Variants in CNTNAP2 observed in about 807,000 individuals in gnomAD.
CNTNAP2 encodes the protein contactin associated protein 2.
Under a neutral mutation model 155.2 loss-of-function variants are expected in CNTNAP2, and 98 were observed. The ratio of observed to expected loss-of-function variants is 0.63; its 90% CI spans 0.54 to 0.75. The LOEUF is 0.75. Ranked by LOEUF, CNTNAP2 falls within the 30% of genes least tolerant of loss-of-function variation. The pLI is 0.00. For synonymous variants in CNTNAP2, 651 were observed against 631.2 expected (o/e 1.03, Z -0.47); for missense variants, 1,727 against 1,688.1 (o/e 1.02, Z -0.40).
At chr7:146,620,164 C>T (rs951344816) in intron 1 of CNTNAP2, among the ~76,000 whole-genome samples, 13 of 152,024 alleles carry the variant, frequency 8.6e-5, no homozygotes, top group African/African-American at 1.9e-4. Flanking sequence ...AATCATTTAG[C>T]GAAGACTTTG....
At chr7:147,623,391 A>G (rs1461018413) in intron 12 of CNTNAP2, among the ~76,000 whole-genome samples, 1 of 152,152 alleles carries the variant, frequency 6.6e-6, no homozygotes, top group Non-Finnish European at 1.5e-5. Flanking sequence ...TAGAACTGAT[A>G]AACAAATTCT....
chr7:146,321,653 C>T (rs982563145), intron 1 of CNTNAP2, among the ~76,000 whole-genome samples: 3 of 152,086 alleles, frequency 2.0e-5, no homozygotes, highest in Non-Finnish European at 4.4e-5. Flanking sequence ...GATTTTGCTC[C>T]AGAATAAAGC....
chr7:147,124,410 A>G (rs1563084956), intron 6 of CNTNAP2, among the ~76,000 whole-genome samples: 1 of 152,182 alleles, frequency 6.6e-6, no homozygotes, highest in Admixed American at 6.5e-5. Context: ...AGCTCTCTCC[A>G]GGGAGGAATG....
At chr7:147,280,931 G>A (rs1464390123) in intron 8 of CNTNAP2, among the ~76,000 whole-genome samples, 3 of 151,774 alleles carry the variant, frequency 2.0e-5, no homozygotes, top group African/African-American at 7.3e-5. Context: ...ATGATAAGTG[G>A]CAGCTCTGAA....
chr7:147,124,852 CTA>C (rs1342377073), intron 6 of CNTNAP2, among the ~76,000 whole-genome samples: 1 of 144,272 alleles, frequency 6.9e-6, no homozygotes, highest in African/African-American at 2.6e-5. Context: ...TGATGTAACT[CTA>C]TGTGGACATT....
intron 1 of CNTNAP2, among the ~76,000 whole-genome samples, chr7:146,209,222 G>A (rs570577235): frequency 6.6e-6 from 1 of 152,234 alleles, no homozygotes; most frequent in East Asian, 1.9e-4. Context: ...AGAAGTCACA[G>A]TCAGAACCGG....
In CNTNAP2 at chr7:147,381,284, C is replaced by T. The variant is rs187385570; in HGVS notation, c.1499-14325C>T. ...GTTAGTCAGGGTCACACAAATACAT[C>T]TTAAACCAGTTCTGGCTATTCTGCA... On this transcript the variant is annotated intron_variant, in intron 9 of 23. Coordinates refer to ENST00000361727, the MANE Select transcript of CNTNAP2 (RefSeq NM_014141.6). Among the ~76,000 whole-genome samples the T allele has an allele frequency of 3.8e-3, 578 of 152,278 alleles. 3 individuals carry two copies. Among genetic ancestry groups the T allele is most frequent in the Non-Finnish European group, 4.9e-3 (332 of 68,022 alleles).
intron 2 of CNTNAP2, among the ~76,000 whole-genome samples, chr7:146,821,915 G>A (rs540286159): frequency 7.1e-4 from 107 of 151,384 alleles, no homozygotes; most frequent in African/African-American, 1.9e-3. Context: ...TCAGTGTGGC[G>A]ATTCCTCAGG....
chr7:147,105,226 C>T (rs1800740965), intron 4 of CNTNAP2, among the ~76,000 whole-genome samples: 1 of 151,670 alleles, frequency 6.6e-6, no homozygotes, highest in African/African-American at 2.4e-5. Flanking sequence ...GACTAAGGAA[C>T]AATAAAATGT....
intron 13 of CNTNAP2, among the ~76,000 whole-genome samples, chr7:147,860,249 A>T (rs1799111928): frequency 1.3e-5 from 2 of 151,798 alleles, no homozygotes; most frequent in African/African-American, 4.8e-5. Flanking sequence ...ACATGCTGAA[A>T]CCCCATCTCT....
chr7:146,228,865 C>A (rs1487844229), intron 1 of CNTNAP2, among the ~76,000 whole-genome samples: 1 of 152,084 alleles, frequency 6.6e-6, no homozygotes, highest in Non-Finnish European at 1.5e-5. Context: ...ATTAATAGCA[C>A]AATTTCTCAT....
intron 13 of CNTNAP2, among the ~76,000 whole-genome samples, chr7:147,716,842 G>A (rs1256564634): frequency 6.6e-6 from 1 of 152,140 alleles, no homozygotes; most frequent in Non-Finnish European, 1.5e-5. Flanking sequence ...CTAGGATCAT[G>A]AGTTGGACAG....
At chr7:147,274,245 A>T (rs1290768657) in intron 8 of CNTNAP2, among the ~76,000 whole-genome samples, 1 of 152,162 alleles carries the variant, frequency 6.6e-6, no homozygotes, top group East Asian at 1.9e-4. Context: ...TTTCCATAGA[A>T]GTTGTACTAA....
chr7:146,181,159 A>C (rs1369385108), intron 1 of CNTNAP2, among the ~76,000 whole-genome samples: 1 of 152,112 alleles, frequency 6.6e-6, no homozygotes, highest in South Asian at 2.1e-4. Flanking sequence ...ACTTTGGGGG[A>C]ACAACATGAT....
intron 9 of CNTNAP2, among the ~76,000 whole-genome samples, chr7:147,326,114 T>G (rs13245948): frequency 2.0e-5 from 3 of 152,100 alleles, no homozygotes; most frequent in Non-Finnish European, 4.4e-5. Context: ...TTAGTAGAGA[T>G]GGGGTTTCAC....
Position 146,134,393 on chromosome 7 carries a change from A to G in CNTNAP2, c.97+17420A>G, listed in dbSNP as rs1396308519. 2.8e-3 allele frequency among the ~76,000 whole-genome samples: 409 copies of G among 146,244 alleles called. 1 individual carries two copies. Among genetic ancestry groups the G allele is most frequent in the African/African-American group, 9.2e-3 (370 of 40,324 alleles). On this transcript the variant is annotated intron_variant, in intron 1 of 23. Transcript: ENST00000361727. ...TGACTTCCTCTTTTCCTAATTGAAT[A>G]CCCTTTATTTCCTTCTCCTGCCTAA...
chr7:147,769,678 A>G (rs1422148785), intron 13 of CNTNAP2, among the ~76,000 whole-genome samples: 1 of 152,162 alleles, frequency 6.6e-6, no homozygotes, highest in African/African-American at 2.4e-5. Flanking sequence ...ATTTTTCTCC[A>G]CAAGATATCT....
chr7:146,688,482 G>A (rs1196989183), intron 1 of CNTNAP2, among the ~76,000 whole-genome samples: 2 of 152,018 alleles, frequency 1.3e-5, no homozygotes, highest in African/African-American at 4.8e-5. Context: ...ATTTGGGTAG[G>A]TAGTAGAAAA....
chr7:147,859,549 A>G (rs1437875932), intron 13 of CNTNAP2, among the ~76,000 whole-genome samples: 1 of 151,966 alleles, frequency 6.6e-6, no homozygotes, highest in Non-Finnish European at 1.5e-5. Context: ...GAGAGTTAAC[A>G]TATTTTAAGA....
Sources: allele counts gnomAD v4.1 joint callset (sites outside exome capture counted in the v4.1 genomes callset), GRCh38; gene constraint gnomAD v4.1.1; transcripts MANE v1.5; gene names NCBI Gene and HGNC (gene_info 2026-07-23, HGNC 2026-07-21).